Variants in GSTCD observed in about 807,000 individuals in gnomAD.
The protein encoded by GSTCD is glutathione S-transferase C-terminal domain-containing protein.
Under a neutral mutation model 68.3 loss-of-function variants are expected in GSTCD, and 44 were observed. The observed-to-expected ratio is 0.64, with a 90% CI of 0.51 to 0.83. The LOEUF is 0.83. GSTCD is among the 40% of genes least tolerant of loss of function. GSTCD has a pLI of 0.00. For synonymous variants in GSTCD, 273 were observed against 255.2 expected (o/e 1.07, Z -0.67); for missense variants, 739 against 735.9 (o/e 1.00, Z -0.05).
chr4:105,813,024 T>C (rs1477834872), intron 5 of GSTCD, among the ~76,000 whole-genome samples: 2 of 152,210 alleles, frequency 1.3e-5, no homozygotes, highest in African/African-American at 2.4e-5. Flanking sequence ...TTATGTTTTC[T>C]GGGGTGGTAG....
chr4:105,759,675 G>A (rs1231492354), intron 5 of GSTCD, among the ~76,000 whole-genome samples: 9 of 152,102 alleles, frequency 5.9e-5, no homozygotes, highest in Non-Finnish European at 1.2e-4. Context: ...GGTAACTGGA[G>A]TTATAAACTA....
chr4:105,844,735 A>G (rs1388902359), intron 11 of GSTCD, among the ~76,000 whole-genome samples: 1 of 152,206 alleles, frequency 6.6e-6, no homozygotes, highest in East Asian at 1.9e-4. Flanking sequence ...TCAGCCCCAA[A>G]TCATTTTTCC....
chr4:105,796,389 G>C (rs1183316780), intron 5 of GSTCD, among the ~76,000 whole-genome samples: 1 of 152,132 alleles, frequency 6.6e-6, no homozygotes, highest in African/African-American at 2.4e-5. Flanking sequence ...GATTTGGGTG[G>C]GGACACAGCC....
chr4:105,747,013 T>C (rs1405685878), intron 5 of GSTCD, among the ~76,000 whole-genome samples: 2 of 152,146 alleles, frequency 1.3e-5, no homozygotes, highest in African/African-American at 4.8e-5. Context: ...TCAAGGTCTT[T>C]GGAAAGAGGC....
At chr4:105,824,113 T>C (rs942908014) in intron 7 of GSTCD, among the ~76,000 whole-genome samples, 7 of 152,090 alleles carry the variant, frequency 4.6e-5, no homozygotes, top group Non-Finnish European at 2.9e-5. Flanking sequence ...AGGTGTGAAC[T>C]AGTTATAGTG....
At position 105,719,087 on chromosome 4, in the gene GSTCD, C is replaced by T; in HGVS notation, c.454C>T (p.Leu152Phe). ...TAGTCAGTGGACCAGGCTATGTGAACTCACCATCCCTTTGGCTATTGAGAA... is the reference window on the plus strand; with the variant it reads ...TAGTCAGTGGACCAGGCTATGTGAATTCACCATCCCTTTGGCTATTGAGAA... ...EVSQWTRLCELTIPLAIENFL... is the reference protein window; with the variant it reads ...EVSQWTRLCEFTIPLAIENFL... The change falls in exon 3 of 12, where the codon CTC becomes TTC. Residue 152 changes from leucine (L) to phenylalanine (F), a missense_variant. By Grantham distance (22) the Leu-to-Phe change is conservative. Transcript: ENST00000515279. The T allele has an allele frequency of 6.2e-7, 1 of 1,613,688 alleles. No individual in the cohort carries two copies. The highest frequency in any genetic ancestry group is 8.5e-7 in the Non-Finnish European group (1 of 1,179,790).
At chr4:105,835,330 C>T (rs1042415938) in intron 9 of GSTCD, among the ~76,000 whole-genome samples, 5 of 152,114 alleles carry the variant, frequency 3.3e-5, no homozygotes, top group Non-Finnish European at 5.9e-5. Context: ...CAAGGGTGAG[C>T]CAGGTACAGA....
Position 105,846,272 on chromosome 4 carries a change from G to C in GSTCD, c.*695G>C, listed in dbSNP as rs1367444275. On this transcript the variant is annotated 3_prime_UTR_variant, in exon 12 of 12. Coordinates refer to ENST00000515279, the MANE Select transcript of GSTCD (RefSeq NM_001370181.1). ...AAAATGAGGTGGGAGGATCACTTGAGCCCAGGAAGTCAAGGCTGCAGTGAG... is the reference window on the plus strand; with the variant it reads ...AAAATGAGGTGGGAGGATCACTTGACCCCAGGAAGTCAAGGCTGCAGTGAG... 2.0e-5 allele frequency: 3 copies of C among 152,022 alleles called. No homozygotes were observed. Among genetic ancestry groups the C allele is most frequent in the African/African-American group, 2.4e-5 (1 of 41,382 alleles). The allele number at this position is 152,022 out of a possible 1,614,324, so 9.4% of individuals were successfully genotyped here. A position where few individuals can be genotyped will look rare whatever the true frequency, so the allele number is the denominator to read the frequency against.
intron 5 of GSTCD, among the ~76,000 whole-genome samples, chr4:105,732,907 T>A (rs1468914391): frequency 1.3e-5 from 2 of 152,234 alleles, no homozygotes; most frequent in African/African-American, 2.4e-5. Context: ...TTCTTATTGG[T>A]TTCAAAGAAC....
At chr4:105,746,887 A>G (rs962718943) in intron 5 of GSTCD, among the ~76,000 whole-genome samples, 1 of 152,224 alleles carries the variant, frequency 6.6e-6, no homozygotes, top group Non-Finnish European at 1.5e-5. Context: ...GCTTCAATAA[A>G]AAGTCTGTGT....
chr4:105,763,226 G>T (rs1487163299), intron 5 of GSTCD, among the ~76,000 whole-genome samples: 1 of 152,114 alleles, frequency 6.6e-6, no homozygotes, highest in Non-Finnish European at 1.5e-5. Context: ...CACCATGAAA[G>T]ATATCTCTAT....
At chr4:105,796,075 A>G (rs1013770807) in intron 5 of GSTCD, among the ~76,000 whole-genome samples, 1 of 152,318 alleles carries the variant, frequency 6.6e-6, no homozygotes. Flanking sequence ...GACATACCCG[A>G]GACTGGATAA....
intron 5 of GSTCD, among the ~76,000 whole-genome samples, chr4:105,786,686 A>G (rs1458390200): frequency 3.9e-5 from 6 of 152,176 alleles, no homozygotes; most frequent in African/African-American, 1.4e-4. Flanking sequence ...AAAGTATCTG[A>G]GTAGACATTT....
chr4:105,719,348 C>T lies in GSTCD; in HGVS notation c.715C>T (p.Leu239=). The T allele has an allele frequency of 6.2e-7, 1 of 1,614,116 alleles. No homozygotes were observed. The highest frequency in any genetic ancestry group is 8.5e-7 in the Non-Finnish European group (1 of 1,179,988). The change falls in exon 3 of 12, where the codon CTG becomes TTG. Residue 239 remains leucine (L), a synonymous_variant. Coordinates refer to ENST00000515279, the MANE Select transcript of GSTCD (RefSeq NM_001370181.1). ...GLDSSSKSLE[L]KVAFSKLTVQ... Reference sequence around the variant, plus strand: ...GGATTCTTCATCCAAGAGTCTGGAACTGAAAGTGGCATTCTCAAAGCTCAC... The same window carrying T: ...GGATTCTTCATCCAAGAGTCTGGAATTGAAAGTGGCATTCTCAAAGCTCAC...
chr4:105,822,717 T>A (rs1359685704), intron 5 of GSTCD, among the ~76,000 whole-genome samples: 1 of 152,090 alleles, frequency 6.6e-6, no homozygotes, highest in Non-Finnish European at 1.5e-5. Flanking sequence ...TTGAAGGAAA[T>A]GTTGAATAGA....
intron 1 of GSTCD, among the ~76,000 whole-genome samples, chr4:105,712,986 CAGTGCTGTCAT>C (rs998261256): frequency 1.3e-5 from 2 of 152,088 alleles, no homozygotes; most frequent in African/African-American, 2.4e-5. Flanking sequence ...TCACCCAGAA[CAGTGCTGTCAT>C]ATTGTGAGTT....
chr4:105,739,301 T>G (rs1733557476), intron 5 of GSTCD, among the ~76,000 whole-genome samples: 1 of 152,138 alleles, frequency 6.6e-6, no homozygotes. Flanking sequence ...AGTTTTCTTT[T>G]TCTGTTGTAT....
At chr4:105,724,624 AAACACAAAAAAATGG>A (rs143641391) in intron 3 of GSTCD, among the ~76,000 whole-genome samples, 3,474 of 151,950 alleles carry the variant, frequency 0.023, 43 homozygotes, top group Middle Eastern at 0.051. Context: ...GTAGTTTCAC[AAACACAAAAAAATGG>A]AACTTTAGAT....
intron 5 of GSTCD, among the ~76,000 whole-genome samples, chr4:105,767,659 T>C (rs1468697035): frequency 2.0e-5 from 3 of 152,318 alleles, no homozygotes; most frequent in Middle Eastern, 6.8e-3. Flanking sequence ...CCGTTTAACA[T>C]GGACTCTCAT....
Sources: gnomAD v4.1 joint callset for allele counts (sites outside exome capture counted in the v4.1 genomes callset) on GRCh38, gnomAD v4.1.1 for gene constraint, MANE v1.5 for transcripts, NCBI Gene and HGNC (gene_info 2026-07-23, HGNC 2026-07-21) for gene names.